The following PHF21B variants were observed in gnomAD, a reference collection of about 807,000 sequenced individuals.
PHF21B encodes the protein PHD finger protein 21B, also known as PHD finger protein 4.
In PHF21B, 22 loss-of-function variants were observed where a neutral mutation model predicts 62.2. The ratio of observed to expected loss-of-function variants is 0.35; its 90% CI spans 0.25 to 0.51. The LOEUF (loss-of-function observed/expected upper bound fraction) is 0.51. PHF21B is among the 20% of genes least tolerant of loss of function. The probability of loss-of-function intolerance (pLI) is 0.97; values close to 1 mark genes in which losing one functional copy is unlikely to be tolerated. For synonymous variants in PHF21B, 341 were observed against 314.7 expected, an observed-to-expected ratio of 1.08 and a Z score of -0.88; for missense variants, 701 against 707.9, an observed-to-expected ratio of 0.99 and a Z score of 0.11.
intron 2 of PHF21B, chr22:44,967,070 C>G (rs1003800986): frequency 6.6e-6 from 1 of 152,250 alleles, no homozygotes; most frequent in Non-Finnish European, 1.5e-5. Flanking sequence ...TGGAGAGCCA[C>G]GTGGAGCTGA....
chr22:45,005,149 AAAT>A (rs2073292379), intron 2 of PHF21B, among the ~76,000 whole-genome samples: 1 of 152,232 alleles, frequency 6.6e-6, no homozygotes, highest in Non-Finnish European at 1.5e-5. Flanking sequence ...ATTTAGATAA[AAAT>A]GTTACTGCCC....
intron 5 of PHF21B, among the ~76,000 whole-genome samples, chr22:44,900,556 C>T (rs1741970777): frequency 6.6e-6 from 1 of 152,230 alleles, no homozygotes; most frequent in South Asian, 2.1e-4. Context: ...CCGCCTCGGC[C>T]TCCTAAAGTG....
At chr22:44,978,147 G>A (rs755179142) in intron 2 of PHF21B, among the ~76,000 whole-genome samples, 1 of 152,054 alleles carries the variant, frequency 6.6e-6, no homozygotes, top group Non-Finnish European at 1.5e-5. Flanking sequence ...TTCTCTATGG[G>A]AAATACCTAC....
Position 44,898,671 on chromosome 22 carries a change from T to C in PHF21B, c.832-2588A>G, listed in dbSNP as rs1195966233. Among the ~76,000 whole-genome samples, 3 of 152,254 alleles carry C rather than the reference T, an allele frequency of 2.0e-5. No homozygotes were observed. The East Asian group carries it at 5.8e-4, about 29-fold the overall frequency. On this transcript the variant is annotated intron_variant, in intron 5 of 12. Transcript: ENST00000313237. The stretch of plus-strand genomic sequence containing the variant: ...ATTTTTAAAATTTTAAATTAAATTG[T>C]AATGAAACTTATCAATATTTTCTTT...
chr22:44,991,628 A>C (rs1414138403), intron 2 of PHF21B, among the ~76,000 whole-genome samples: 1 of 152,120 alleles, frequency 6.6e-6, no homozygotes, highest in East Asian at 1.9e-4. Context: ...GCAGTCCCTT[A>C]CAGAGCTCGG....
chr22:44,958,434 A>G (rs1258792039), intron 2 of PHF21B, among the ~76,000 whole-genome samples: 2 of 152,054 alleles, frequency 1.3e-5, no homozygotes, highest in South Asian at 2.1e-4. Flanking sequence ...GAATGTGCAC[A>G]TTGCATCCAT....
chr22:45,008,454 G>C (rs74671205), intron 2 of PHF21B, 91 bp downstream of exon 2: 152,676 of 1,256,140 alleles, frequency 0.12, 10,361 homozygotes, highest in Non-Finnish European at 0.14. Context: ...CTGAGCGTGC[G>C]TCGCCCAGGC....
At position 44,953,546 on chromosome 22, in the gene PHF21B, C is replaced by G. The variant is rs566359465; in HGVS notation, c.121-33056G>C. On this transcript the variant is annotated intron_variant, in intron 2 of 12. Coordinates refer to ENST00000313237, the MANE Select transcript of PHF21B (RefSeq NM_138415.5). ...TGCAGCCCCAGAGTGGATCTTTCAA[C>G]GCTGTGAACTCCTCTAAATGTTTTC... Among the ~76,000 whole-genome samples the G allele has an allele frequency of 1.6e-4, 25 of 152,224 alleles. No individual in the cohort carries two copies. In the Middle Eastern group the frequency reaches 0.014, roughly 83 times the overall value.
At chr22:44,913,647 T>C (rs576695475) in intron 5 of PHF21B, among the ~76,000 whole-genome samples, 175 bp downstream of exon 5, 61 of 152,302 alleles carry the variant, frequency 4.0e-4, no homozygotes, top group African/African-American at 1.5e-3. Flanking sequence ...ATAGAACAGT[T>C]GAGACCTGGG....
At chr22:44,913,185 A>G (rs754569526) in intron 5 of PHF21B, among the ~76,000 whole-genome samples, 3 of 152,168 alleles carry the variant, frequency 2.0e-5, no homozygotes, top group Non-Finnish European at 4.4e-5. Flanking sequence ...GACATAGGCA[A>G]TTTCTGGCAA....
intron 2 of PHF21B, among the ~76,000 whole-genome samples, chr22:44,937,019 C>T (rs989141979): frequency 3.9e-5 from 6 of 152,106 alleles, no homozygotes; most frequent in African/African-American, 1.4e-4. Flanking sequence ...TGCCCGCCAC[C>T]ACACCCAGCT....
At chr22:44,922,644 A>AT (rs1445391968) in intron 2 of PHF21B, among the ~76,000 whole-genome samples, 1 of 151,794 alleles carries the variant, frequency 6.6e-6, no homozygotes, top group African/African-American at 2.4e-5. Flanking sequence ...AAAAAAAAGA[A>AT]AAAAAAAATC....
chr22:44,900,316 A>G (rs534537817), intron 5 of PHF21B, among the ~76,000 whole-genome samples: 4 of 152,142 alleles, frequency 2.6e-5, no homozygotes, highest in Non-Finnish European at 5.9e-5. Context: ...TGAGCTCTCC[A>G]AAGATTTACA....
Position 45,008,570 on chromosome 22 carries a change from C to T in PHF21B, c.95G>A (p.Arg32Gln), listed in dbSNP as rs929037532. The T allele has an allele frequency of 7.6e-6, 12 of 1,588,722 alleles. No individual in the cohort carries two copies. The highest frequency in any genetic ancestry group is 1.3e-5 in the African/African-American group (1 of 74,550). ...LKKQLHERQPRIAALSDKQAL... is the reference protein window; with the variant it reads ...LKKQLHERQPQIAALSDKQAL... ...TTGTTTGTCGCTGAGCGCGGCGATC[C>T]GCGGCTGCCTTTCGTGGAGCTGCTT... The change falls in exon 2 of 13, where the codon CGG (arginine) becomes CAG (glutamine). Residue 32 changes from arginine (R) to glutamine (Q), a missense_variant. Transcript: ENST00000313237.
intron 2 of PHF21B, among the ~76,000 whole-genome samples, chr22:44,937,638 G>A (rs936268974): frequency 2.6e-5 from 4 of 152,200 alleles, no homozygotes; most frequent in Non-Finnish European, 5.9e-5. Context: ...ATGAAAATTC[G>A]GAGCAGCTTT....
chr22:44,933,599 T>A, intron 2 of PHF21B: 2 of 937,592 alleles, frequency 2.1e-6, no homozygotes, highest in Non-Finnish European at 2.5e-6. Flanking sequence ...CTCGGCTACA[T>A]AGAAGGGGTA....
intron 8 of PHF21B, among the ~76,000 whole-genome samples, chr22:44,890,158 G>C (rs887836999): frequency 6.6e-6 from 1 of 152,140 alleles, no homozygotes; most frequent in Non-Finnish European, 1.5e-5. Flanking sequence ...TGGGAGTAAG[G>C]ATCTCAGCCC....
chr22:44,926,775 T>C lies in PHF21B; in HGVS notation c.121-6285A>G, dbSNP rs563140500. On this transcript the variant is annotated intron_variant, in intron 2 of 12. Coordinates refer to ENST00000313237, the MANE Select transcript of PHF21B (RefSeq NM_138415.5). ...GCTGCATGAGCTAGGGGTGGCCATG[T>C]ATCCGTGTCCGGGTGTTGCTGCGTG... 2.6e-5 allele frequency among the ~76,000 whole-genome samples: 4 copies of C among 152,314 alleles called. No individual in the cohort carries two copies. In the East Asian group the frequency reaches 7.7e-4, roughly 29 times the overall value.
intron 2 of PHF21B, chr22:45,003,302 G>A (rs183966673): frequency 1.4e-5 from 2 of 146,212 alleles, no homozygotes; most frequent in Admixed American, 6.8e-5. Context: ...GGAGCTTACA[G>A]TCTAGCACAG....
Sources: gnomAD v4.1 joint callset for allele counts (sites outside exome capture counted in the v4.1 genomes callset) on GRCh38, gnomAD v4.1.1 for gene constraint, MANE v1.5 for transcripts, NCBI Gene and HGNC (gene_info 2026-07-23, HGNC 2026-07-21) for gene names.